EPHA7: variants seen among roughly 807,000 people sequenced by gnomAD.
EPHA7 encodes the protein EPH receptor A7, also known as ephrin type-A receptor 7.
A neutral mutation model predicts 112.6 loss-of-function variants in EPHA7; 25 were observed. The ratio of observed to expected loss-of-function variants is 0.22; its 90% CI spans 0.16 to 0.31. The LOEUF (loss-of-function observed/expected upper bound fraction) is 0.31, where lower values mean the gene tolerates loss of function less well. Ranked by LOEUF, EPHA7 falls within the 10% of genes least tolerant of loss-of-function variation. EPHA7 has a pLI of 1.00. For missense variants in EPHA7, 962 were observed against 1,212.6 expected, an observed-to-expected ratio of 0.79 and a Z score of 3.07; for synonymous variants, 437 against 406.5, an observed-to-expected ratio of 1.07 and a Z score of -0.90.
At chr6:93,332,462 C>T (rs1318605882) in intron 5 of EPHA7, among the ~76,000 whole-genome samples, 3 of 151,636 alleles carry the variant, frequency 2.0e-5, no homozygotes, top group African/African-American at 4.8e-5. Flanking sequence ...ACTTATATTA[C>T]AAATTCCATC....
intron 5 of EPHA7, among the ~76,000 whole-genome samples, chr6:93,317,507 A>C (rs1773870012): frequency 6.6e-6 from 1 of 152,134 alleles, no homozygotes; most frequent in Non-Finnish European, 1.5e-5. Flanking sequence ...TACATTTTTC[A>C]GGTCATTCAA....
chr6:93,390,369 G>GT (rs1562149023), intron 3 of EPHA7, among the ~76,000 whole-genome samples: 1 of 151,684 alleles, frequency 6.6e-6, no homozygotes, highest in African/African-American at 2.4e-5. Context: ...GCAATTTGAA[G>GT]TAGGTCAGAA....
chr6:93,245,334 T>A lies in EPHA7; in HGVS notation c.2846A>T (p.Tyr949Phe). 4 of 1,613,492 alleles carry A rather than the reference T, an allele frequency of 2.5e-6. No individual in the cohort carries two copies. Among genetic ancestry groups the A allele is most frequent in the Non-Finnish European group, 3.4e-6 (4 of 1,179,888 alleles). ...RYKDNFTAAG[Y>F]NSLESVARMT... ...CCTGGCTACTGATTCAAGGGAATTGTAGCCAGCTGCCGTGAAATTATCTTT... is the reference window on the plus strand; with the variant it reads ...CCTGGCTACTGATTCAAGGGAATTGAAGCCAGCTGCCGTGAAATTATCTTT... The change falls in exon 16 of 17, where the codon TAC (tyrosine) becomes TTC (phenylalanine). Residue 949 changes from tyrosine (Y) to phenylalanine (F), a missense_variant. Physicochemically the swap from Tyr to Phe is conservative, Grantham distance 22. Around this residue, in one of 3 missense-constraint regions of EPHA7, gnomAD observed 746 missense variants for 889.2 expected, o/e 0.84. Coordinates refer to ENST00000369303, the MANE Select transcript of EPHA7 (RefSeq NM_004440.4).
chr6:93,275,664 G>T (rs1033491748), intron 5 of EPHA7, among the ~76,000 whole-genome samples: 2 of 151,824 alleles, frequency 1.3e-5, no homozygotes, highest in South Asian at 4.1e-4. Context: ...AATCTCAACA[G>T]CATAAAAACA....
intron 5 of EPHA7, among the ~76,000 whole-genome samples, chr6:93,330,270 T>C (rs1407415282): frequency 6.6e-6 from 1 of 151,308 alleles, no homozygotes; most frequent in African/African-American, 2.4e-5. Context: ...ACCTCAAACA[T>C]TTGTTAATAT....
chr6:93,328,915 A>G (rs1774454274), intron 5 of EPHA7, among the ~76,000 whole-genome samples: 1 of 151,484 alleles, frequency 6.6e-6, no homozygotes, highest in Non-Finnish European at 1.5e-5. Flanking sequence ...TAAAGATAAC[A>G]TTATTAAGGA....
At chr6:93,353,807 G>T (rs1051659969) in intron 5 of EPHA7, among the ~76,000 whole-genome samples, 5 of 151,766 alleles carry the variant, frequency 3.3e-5, no homozygotes, top group Non-Finnish European at 7.4e-5. Context: ...CTAGAAACTA[G>T]AACTCAGGGC....
intron 3 of EPHA7, among the ~76,000 whole-genome samples, chr6:93,382,443 C>T (rs1445418945): frequency 2.0e-5 from 3 of 152,138 alleles, no homozygotes; most frequent in Non-Finnish European, 4.4e-5. Context: ...CTGCCTGCCC[C>T]GCACATCCTG....
At chr6:93,319,612 C>T (rs2127881293) in intron 5 of EPHA7, among the ~76,000 whole-genome samples, 1 of 152,152 alleles carries the variant, frequency 6.6e-6, no homozygotes, top group South Asian at 2.1e-4. Context: ...ATGGTCTATG[C>T]TTTAAAAAGG....
At chr6:93,368,878 G>A (rs1180463037) in intron 3 of EPHA7, among the ~76,000 whole-genome samples, 2 of 152,002 alleles carry the variant, frequency 1.3e-5, no homozygotes, top group African/African-American at 4.8e-5. Flanking sequence ...TAAGTCTTGT[G>A]AAGCAAATAA....
At chr6:93,348,190 A>C (rs960733761) in intron 5 of EPHA7, among the ~76,000 whole-genome samples, 1 of 151,882 alleles carries the variant, frequency 6.6e-6, no homozygotes, top group Non-Finnish European at 1.5e-5. Context: ...TGGCAAGATT[A>C]GGGTGTGGGG....
At chr6:93,378,179 G>T in intron 3 of EPHA7, among the ~76,000 whole-genome samples, 1 of 152,036 alleles carries the variant, frequency 6.6e-6, no homozygotes, top group South Asian at 2.1e-4. Context: ...AATGATCATG[G>T]TGCCTTGAGG....
At chr6:93,295,041 G>A (rs2127841889) in intron 5 of EPHA7, among the ~76,000 whole-genome samples, 1 of 151,890 alleles carries the variant, frequency 6.6e-6, no homozygotes, top group South Asian at 2.1e-4. Context: ...GATGAAAAGG[G>A]AGAGAGAGAA....
intron 5 of EPHA7, among the ~76,000 whole-genome samples, chr6:93,324,257 TTAAA>T (rs1029912401): frequency 2.4e-4 from 36 of 151,468 alleles, no homozygotes; most frequent in African/African-American, 8.7e-4. Flanking sequence ...ATGCCTCTAA[TTAAA>T]TCCTCATAAT....
At chr6:93,353,272 AC>A in intron 5 of EPHA7, among the ~76,000 whole-genome samples, 1 of 152,234 alleles carries the variant, frequency 6.6e-6, no homozygotes, top group South Asian at 2.1e-4. Context: ...TACTAACAAA[AC>A]AACAAGAACA....
At chr6:93,287,447 T>A (rs554897497) in intron 5 of EPHA7, among the ~76,000 whole-genome samples, 1 of 152,076 alleles carries the variant, frequency 6.6e-6, no homozygotes, top group Admixed American at 6.5e-5. Flanking sequence ...GTAGCATTAA[T>A]ATTTTTAATC....
At chr6:93,266,384 T>A (rs1770939460) in intron 7 of EPHA7, among the ~76,000 whole-genome samples, 1 of 151,650 alleles carries the variant, frequency 6.6e-6, no homozygotes, top group Non-Finnish European at 1.5e-5. Context: ...AGAACTCTAA[T>A]GAGAAAAATG....
chr6:93,258,571 C>T (rs1770548883), intron 10 of EPHA7, among the ~76,000 whole-genome samples: 1 of 114,670 alleles, frequency 8.7e-6, no homozygotes, highest in African/African-American at 2.8e-5. Flanking sequence ...GTTACGCTTT[C>T]CTAAACTGTT....
In EPHA7 at chr6:93,335,066, C is replaced by A. The variant is rs143197015; in HGVS notation, c.1324+21651G>T. On this transcript the variant is annotated intron_variant, in intron 5 of 16. Transcript: ENST00000369303. ...CCCAGCAACTGTATGGGCTTTATCACCTTCGGCAATTTGTTTAACTTCTCT... is the reference window on the plus strand; with the variant it reads ...CCCAGCAACTGTATGGGCTTTATCAACTTCGGCAATTTGTTTAACTTCTCT... Among the ~76,000 whole-genome samples, 509 of 152,182 alleles carry A rather than the reference C, an allele frequency of 3.3e-3. 2 individuals carry two copies. Among genetic ancestry groups the A allele is most frequent in the African/African-American group, 0.012 (489 of 41,544 alleles).
Sources: allele counts gnomAD v4.1 joint callset (sites outside exome capture counted in the v4.1 genomes callset), GRCh38; gene constraint gnomAD v4.1.1; regional missense constraint gnomAD v4.1.1; transcripts MANE v1.5; gene names NCBI Gene and HGNC (gene_info 2026-07-23, HGNC 2026-07-21).